CFAP99: variants seen among roughly 807,000 people sequenced by gnomAD.
CFAP99 encodes cilia- and flagella-associated protein 99.
Under a neutral mutation model 82.7 loss-of-function variants are expected in CFAP99, and 84 were observed. The observed-to-expected ratio is 1.02, with a 90% CI of 0.85 to 1.22. The LOEUF is 1.22. Among genes scored for constraint, CFAP99 ranks in the 50% most tolerant of loss-of-function variants. CFAP99 has a pLI of 0.00. For missense variants in CFAP99, 1,059 were observed against 983.5 expected (o/e 1.08, Z -1.03); for synonymous variants, 456 against 429.5 (o/e 1.06, Z -0.76).
chr4:2,442,580 TCCCTGCC>T (rs961999943), intron 4 of CFAP99, among the ~76,000 whole-genome samples: 4 of 152,012 alleles, frequency 2.6e-5, no homozygotes, highest in Admixed American at 2.0e-4. Context: ...CCAAGTCAAC[TCCCTGCC>T]CCCAAGACCA....
At chr4:2,428,236 GCTGGCGTCA>G (rs1338075883) in intron 2 of CFAP99, 2 of 152,460 alleles carry the variant, frequency 1.3e-5, no homozygotes, top group African/African-American at 4.8e-5. Context: ...CGTCCTGGGA[GCTGGCGTCA>G]CCCACCCCAC....
At chr4:2,458,749 A>C (rs1399398703) in exon 12 of CFAP99, 3 of 1,535,252 alleles carry the variant, frequency 2.0e-6, no homozygotes, top group Non-Finnish European at 2.6e-6. Context: ...TGCAGCGTGC[A>C]GAGAGACGGC....
rs1302648284 is a variant in CFAP99, at chr4:2,448,089, G to C, written c.643-1581G>C. Among the ~76,000 whole-genome samples, 5 of 151,994 alleles carry C rather than the reference G, an allele frequency of 3.3e-5. No individual in the cohort carries two copies. The highest frequency in any genetic ancestry group is 1.2e-4 in the African/African-American group (5 of 41,376). On this transcript the variant is annotated intron_variant, in intron 6 of 14. Transcript: ENST00000635017. This position sits in a 1 kb window ranked among gnomAD's most constrained non-coding sequence, Gnocchi z 5.2. ...GATAGACAAATGGATGGATGGGTGG[G>C]TGAGTGGGTGGATGATCAGATGGAT...
At chr4:2,436,130 T>C (rs1214496800) in intron 2 of CFAP99, among the ~76,000 whole-genome samples, 2 of 151,310 alleles carry the variant, frequency 1.3e-5, no homozygotes, top group Non-Finnish European at 2.9e-5. Flanking sequence ...TATATAGATA[T>C]ATGAAATTTT....
At chr4:2,442,791 C>T (rs906648737) in intron 4 of CFAP99, among the ~76,000 whole-genome samples, 3 of 152,310 alleles carry the variant, frequency 2.0e-5, no homozygotes, top group African/African-American at 7.2e-5. Flanking sequence ...GGAAGGGGAG[C>T]CAAGGTCCAG....
At chr4:2,450,108 TC>T in intron 8 of CFAP99, 103 bp downstream of exon 8, 1 of 1,193,900 alleles carries the variant, frequency 8.4e-7, no homozygotes, top group Non-Finnish European at 1.2e-6. Flanking sequence ...TGTAGCCTTT[TC>T]CCACTGAGGG....
At chr4:2,460,214 G>A (rs1236745474) in exon 14 of CFAP99, 6 of 1,536,150 alleles carry the variant, frequency 3.9e-6, no homozygotes, top group Admixed American at 2.0e-5. Flanking sequence ...GCTGTGCCGT[G>A]CAGCCATGGG....
At chr4:2,460,215 C>T (rs1560391718) in exon 14 of CFAP99, 2 of 1,536,046 alleles carry the variant, frequency 1.3e-6, no homozygotes, top group Non-Finnish European at 1.7e-6. Flanking sequence ...CTGTGCCGTG[C>T]AGCCATGGGG....
intron 1 of CFAP99, among the ~76,000 whole-genome samples, chr4:2,425,141 A>G (rs1733658191): frequency 6.6e-6 from 1 of 151,984 alleles, no homozygotes; most frequent in Admixed American, 6.5e-5. Flanking sequence ...TTCTCCAGCC[A>G]TTGCTTGTTC....
At chr4:2,456,330 G>A (rs563189851) in intron 11 of CFAP99, among the ~76,000 whole-genome samples, 76 of 152,064 alleles carry the variant, frequency 5.0e-4, no homozygotes, top group Non-Finnish European at 9.1e-4. Context: ...ACCATGCCTG[G>A]CCTACAGTCA....
rs191331672 is a variant in CFAP99 at position 2,456,847 on chromosome 4, T to C, written c.1162-1876T>C. On this transcript the variant is annotated intron_variant, in intron 11 of 14. Transcript: ENST00000635017. ...AACTTGTTTTTTAATCTGTTATCAC[T>C]GTGAAATTAACCCAGAATAGCTGTA... 1.1e-3 allele frequency among the ~76,000 whole-genome samples: 163 copies of C among 152,150 alleles called. 1 individual carries two copies. Among genetic ancestry groups the C allele is most frequent in the East Asian group, 7.7e-3 (40 of 5,178 alleles).
intron 4 of CFAP99, among the ~76,000 whole-genome samples, chr4:2,442,573 A>G (rs1489637429): frequency 1.3e-5 from 2 of 152,048 alleles, no homozygotes; most frequent in Non-Finnish European, 2.9e-5. Context: ...CCACCTCCCA[A>G]GTCAACTCCC....
intron 2 of CFAP99, among the ~76,000 whole-genome samples, chr4:2,429,807 G>T (rs1733762905): frequency 6.6e-6 from 1 of 152,118 alleles, no homozygotes; most frequent in South Asian, 2.1e-4. Flanking sequence ...TAGCCAGAAT[G>T]GTCTTGATCT....
At position 2,446,368 on chromosome 4, in the gene CFAP99, GTTATTATTATTATTATTATTA is replaced by G. The variant is rs146154713; in HGVS notation, c.642+1081_642+1101del. Among the ~76,000 whole-genome samples the G allele has an allele frequency of 1.1e-3, 163 of 148,396 alleles. 1 individual carries two copies. The highest frequency in any genetic ancestry group is 1.8e-3 in the Non-Finnish European group (122 of 67,296). On this transcript the variant is annotated intron_variant, in intron 6 of 14. Transcript: ENST00000635017. This position sits in a 1 kb window ranked among gnomAD's most constrained non-coding sequence, Gnocchi z 5.0. ...CTTTTTATTTCATTTTATTATTGTT[GTTATTATTATTATTATTATTA>G]TTATTATTATTATTATTATTTGAGA...
At chr4:2,440,984 G>A (rs1191400293) in intron 4 of CFAP99, among the ~76,000 whole-genome samples, 1 of 151,898 alleles carries the variant, frequency 6.6e-6, no homozygotes, top group Admixed American at 6.6e-5. Context: ...CTTGAGCCCA[G>A]GAGTTTGAGG....
Position 2,462,792 on chromosome 4 carries a change from G to A in CFAP99, c.2011G>A (p.Ala671Thr). Residue 671 changes from alanine to threonine, a missense_variant, in exon 15 of 15, where the codon GCG (alanine) becomes ACG (threonine). Physicochemically the swap from Ala to Thr is moderately conservative, Grantham distance 58. Coordinates refer to ENST00000635017, the Ensembl canonical transcript of CFAP99. This position sits in a 1 kb window ranked among gnomAD's most constrained non-coding sequence, Gnocchi z 4.1. Reference sequence around the variant, plus strand: ...TGGGGGCGTCCCTGCCCGCGCCGACGCGTTCCCCGGCCTGCAGGCGCAGCT... The same window carrying A: ...TGGGGGCGTCCCTGCCCGCGCCGACACGTTCCCCGGCCTGCAGGCGCAGCT... 2 of 1,290,382 alleles carry A rather than the reference G, an allele frequency of 1.5e-6. No homozygotes were observed. The highest frequency in any genetic ancestry group is 2.0e-6 in the Non-Finnish European group (2 of 1,021,598). 79.9% of individuals were successfully genotyped at this position (1,290,382 alleles called of 1,614,324 possible). A position where few individuals can be genotyped will look rare whatever the true frequency, so the allele number is the denominator to read the frequency against.
intron 11 of CFAP99, among the ~76,000 whole-genome samples, chr4:2,453,490 A>G (rs930402102): frequency 6.6e-6 from 1 of 152,284 alleles, no homozygotes; most frequent in South Asian, 2.1e-4. Flanking sequence ...TCACTCCACC[A>G]AAGTGTGAGA....
Position 2,438,171 on chromosome 4 carries a change from C to G in CFAP99, c.351+7C>G. ...CGTGGATAAGATGTGCAAGGTGAGC[C>G]ACCCCTACCTGCCCACCAGGCCACG... On this transcript the variant is annotated splice_region_variant and intron_variant, in intron 4 of 14. Coordinates refer to ENST00000635017, the Ensembl canonical transcript of CFAP99. 1 of 1,518,948 alleles carries G rather than the reference C, an allele frequency of 6.6e-7. No individual in the cohort carries two copies. The highest frequency in any genetic ancestry group is 8.8e-7 in the Non-Finnish European group (1 of 1,131,516). 94.1% of individuals were successfully genotyped at this position (1,518,948 alleles called of 1,614,324 possible). A position where few individuals can be genotyped will look rare whatever the true frequency, so the allele number is the denominator to read the frequency against.
At chr4:2,453,152 A>C (rs760959111) in intron 11 of CFAP99, among the ~76,000 whole-genome samples, 5 of 152,124 alleles carry the variant, frequency 3.3e-5, no homozygotes, top group Non-Finnish European at 5.9e-5. Flanking sequence ...ATAACTTACA[A>C]CCCATTTCCA....
Sources: allele counts gnomAD v4.1 joint callset (sites outside exome capture counted in the v4.1 genomes callset), GRCh38; gene constraint gnomAD v4.1.1; non-coding constraint Gnocchi (gnomAD v3.1); transcripts MANE v1.5; gene names NCBI Gene and HGNC (gene_info 2026-07-23, HGNC 2026-07-21).